The following SH3D19 variants were observed in gnomAD, a reference collection of about 807,000 sequenced individuals.
SH3D19 encodes the protein SH3 domain-containing protein 19.
SH3D19 carries 58 observed loss-of-function variants against 112.1 expected under a neutral mutation model. That is an observed-to-expected ratio of 0.52 (90% CI 0.42 to 0.64). The LOEUF is 0.64. SH3D19 is among the 30% of genes least tolerant of loss of function. The probability of loss-of-function intolerance (pLI) is 0.00; values close to 1 mark genes in which losing one functional copy is unlikely to be tolerated. For missense variants in SH3D19, 1,090 were observed against 1,263.4 expected (o/e 0.86, Z 2.08); for synonymous variants, 391 against 448.5 (o/e 0.87, Z 1.62).
At position 151,121,892 on chromosome 4, in the gene SH3D19, T is replaced by TTTCCA. The variant is rs1346716923; in HGVS notation, c.*194_*198dup. The TTTCCA allele has an allele frequency of 2.2e-6, 1 of 454,822 alleles. No individual in the cohort carries two copies. The highest frequency in any genetic ancestry group is 3.7e-5 in the East Asian group (1 of 26,880). 28.2% of individuals were successfully genotyped at this position (454,822 alleles called of 1,614,324 possible). ...CCTCGGTAGAATCCTAGCTCATGGGTTTCCATGTGCATGTTTCTATTGTAA... is the reference window on the plus strand; with the variant it reads ...CCTCGGTAGAATCCTAGCTCATGGGTTTCCATTCCATGTGCATGTTTCTATTGTAA... On this transcript the variant is annotated 3_prime_UTR_variant, in exon 20 of 20. Coordinates refer to ENST00000604030, the MANE Select transcript of SH3D19 (RefSeq NM_001378122.1).
intron 1 of SH3D19, among the ~76,000 whole-genome samples, chr4:151,265,658 C>A (rs1772735408): frequency 6.7e-6 from 1 of 149,526 alleles, no homozygotes; most frequent in Non-Finnish European, 1.5e-5. Flanking sequence ...CTCACTGCAA[C>A]CTCCACCTCC....
chr4:151,308,201 C>T (rs972155545), intron 1 of SH3D19, among the ~76,000 whole-genome samples: 5 of 152,206 alleles, frequency 3.3e-5, no homozygotes, highest in Middle Eastern at 3.2e-3. Flanking sequence ...CCACCATGCC[C>T]AGCCTAAAAC....
intron 1 of SH3D19, among the ~76,000 whole-genome samples, chr4:151,299,494 C>T (rs1366816174): frequency 2.0e-5 from 3 of 149,986 alleles, no homozygotes; most frequent in Non-Finnish European, 3.0e-5. Flanking sequence ...ACAGGAGAAT[C>T]GCTTGAACCT....
chr4:151,293,451 C>T (rs1387689481), intron 1 of SH3D19, among the ~76,000 whole-genome samples: 5 of 147,020 alleles, frequency 3.4e-5, no homozygotes, highest in South Asian at 2.1e-4. Context: ...CCAGCCTGGG[C>T]GACAGAGCAA....
At chr4:151,200,229 T>TACAC (rs1185141727) in intron 2 of SH3D19, among the ~76,000 whole-genome samples, 4 of 143,140 alleles carry the variant, frequency 2.8e-5, no homozygotes, top group Middle Eastern at 3.4e-3. Context: ...CATACATACA[T>TACAC]ACATACACAC....
At chr4:151,136,217 G>T (rs1751823826) in intron 14 of SH3D19, among the ~76,000 whole-genome samples, 1 of 151,794 alleles carries the variant, frequency 6.6e-6, no homozygotes, top group Non-Finnish European at 1.5e-5. Flanking sequence ...GCGTGATCAT[G>T]GCTCACTGCA....
chr4:151,248,650 G>C (rs994977968), intron 1 of SH3D19, among the ~76,000 whole-genome samples: 1 of 152,062 alleles, frequency 6.6e-6, no homozygotes, highest in Non-Finnish European at 1.5e-5. Context: ...ACTGATAAAG[G>C]TCAACAGAAA....
chr4:151,307,349 G>A (rs1054321862), intron 1 of SH3D19, among the ~76,000 whole-genome samples: 4 of 152,168 alleles, frequency 2.6e-5, no homozygotes, highest in Non-Finnish European at 5.9e-5. Context: ...TCTTTTTAGT[G>A]TCTCCCTTCT....
intron 4 of SH3D19, among the ~76,000 whole-genome samples, chr4:151,178,102 C>CA (rs1349449066): frequency 6.6e-6 from 1 of 152,110 alleles, no homozygotes; most frequent in African/African-American, 2.4e-5. Flanking sequence ...TTTGTAGAGA[C>CA]AAGGGCTCAC....
At chr4:151,167,896 G>T (rs901225191) in intron 7 of SH3D19, among the ~76,000 whole-genome samples, 10 of 152,116 alleles carry the variant, frequency 6.6e-5, no homozygotes, top group Middle Eastern at 3.4e-3. Flanking sequence ...CCCCGTCTGG[G>T]AAGTGAGGCG....
chr4:151,295,107 C>G (rs1580434540), intron 1 of SH3D19, among the ~76,000 whole-genome samples: 2 of 152,174 alleles, frequency 1.3e-5, no homozygotes, highest in African/African-American at 4.8e-5. Context: ...GAGCAGGGGC[C>G]AGGTCCTGCA....
intron 1 of SH3D19, among the ~76,000 whole-genome samples, chr4:151,245,065 A>G (rs1367563056): frequency 6.6e-6 from 1 of 151,858 alleles, no homozygotes; most frequent in Non-Finnish European, 1.5e-5. Flanking sequence ...AATCATTTGA[A>G]CCCAGGAAGC....
chr4:151,131,822 C>T (rs1162096878), intron 17 of SH3D19, among the ~76,000 whole-genome samples: 1 of 150,312 alleles, frequency 6.7e-6, no homozygotes, highest in African/African-American at 2.4e-5. Flanking sequence ...TCTCTTTTAT[C>T]ATTTTCTTTC....
At chr4:151,150,432 T>C (rs187373991) in intron 9 of SH3D19, among the ~76,000 whole-genome samples, 167 of 150,572 alleles carry the variant, frequency 1.1e-3, no homozygotes, top group Non-Finnish European at 1.8e-3. Context: ...GTAAGAGGGA[T>C]GGTTATTAGT....
At chr4:151,168,592 G>A (rs1758517033) in intron 7 of SH3D19, among the ~76,000 whole-genome samples, 1 of 151,846 alleles carries the variant, frequency 6.6e-6, no homozygotes, top group Non-Finnish European at 1.5e-5. Context: ...GTGCCACCAT[G>A]CCTGGCTAAT....
chr4:151,163,436 T>C (rs1488402562), intron 8 of SH3D19, among the ~76,000 whole-genome samples: 10 of 152,170 alleles, frequency 6.6e-5, no homozygotes, highest in Admixed American at 6.5e-4. Flanking sequence ...TTCTTATTAT[T>C]ATATGTTACT....
intron 15 of SH3D19, among the ~76,000 whole-genome samples, chr4:151,134,383 A>G (rs1277297628): frequency 6.6e-6 from 1 of 152,252 alleles, no homozygotes; most frequent in Non-Finnish European, 1.5e-5. Flanking sequence ...AAAAGGGTAT[A>G]TAAATTCAGG....
chr4:151,149,845 T>C (rs1474742023), intron 9 of SH3D19, among the ~76,000 whole-genome samples: 1 of 152,000 alleles, frequency 6.6e-6, no homozygotes, highest in African/African-American at 2.4e-5. Flanking sequence ...AGTGGATTCA[T>C]GAGATATTGA....
intron 1 of SH3D19, among the ~76,000 whole-genome samples, chr4:151,259,791 G>C (rs765091695): frequency 6.6e-6 from 1 of 152,188 alleles, no homozygotes; most frequent in Non-Finnish European, 1.5e-5. Flanking sequence ...TCTCAGTTCA[G>C]TGCAACTACT....
Sources: gnomAD v4.1 joint callset for allele counts (sites outside exome capture counted in the v4.1 genomes callset) on GRCh38, gnomAD v4.1.1 for gene constraint, MANE v1.5 for transcripts, NCBI Gene and HGNC (gene_info 2026-07-23, HGNC 2026-07-21) for gene names.